SLC24A2: variants seen among roughly 807,000 people sequenced by gnomAD.
The protein encoded by SLC24A2 is sodium/potassium/calcium exchanger 2.
In SLC24A2, 36 loss-of-function variants were observed where a neutral mutation model predicts 62.0. The observed-to-expected ratio is 0.58, with a 90% CI of 0.44 to 0.77. The LOEUF (loss-of-function observed/expected upper bound fraction) is 0.77, where lower values mean the gene tolerates loss of function less well. SLC24A2 is among the 30% of genes least tolerant of loss of function. The probability of loss-of-function intolerance (pLI) is 0.00; values close to 1 mark genes in which losing one functional copy is unlikely to be tolerated. For missense variants in SLC24A2, 846 were observed against 817.9 expected, an observed-to-expected ratio of 1.03 and a Z score of -0.42; for synonymous variants, 358 against 294.0, an observed-to-expected ratio of 1.22 and a Z score of -2.23.
At chr9:19,666,512 G>A (rs7040903) in intron 2 of SLC24A2, among the ~76,000 whole-genome samples, 69,653 of 151,974 alleles carry the variant, frequency 0.46, 16,949 homozygotes, top group East Asian at 0.85. Context: ...ACTAAGGATC[G>A]GTGCAAGCTC....
the SLC24A2 span, among the ~76,000 whole-genome samples, chr9:20,093,292 G>A: frequency 8.5e-4 from 129 of 151,940 alleles, no homozygotes; most frequent in African/African-American, 2.5e-3. Flanking sequence ...GGCTGGTCTC[G>A]AACTCCTGAC....
the SLC24A2 span, among the ~76,000 whole-genome samples, chr9:20,105,475 G>C: frequency 1.2e-3 from 182 of 151,726 alleles, 1 homozygote; most frequent in Admixed American, 1.6e-3. Flanking sequence ...AAATGTAAAA[G>C]AACAGAAATT....
chr9:20,184,037 C>T, the SLC24A2 span, among the ~76,000 whole-genome samples: 1 of 152,066 alleles, frequency 6.6e-6, no homozygotes, highest in Non-Finnish European at 1.5e-5. Context: ...GGTTAATACA[C>T]AAAATGTGTA....
the SLC24A2 span, among the ~76,000 whole-genome samples, chr9:20,270,164 A>C: frequency 3.9e-5 from 6 of 152,260 alleles, no homozygotes; most frequent in South Asian, 1.2e-3. Flanking sequence ...CCAGAAGGGC[A>C]CCAACCTATT....
intron 4 of SLC24A2, among the ~76,000 whole-genome samples, chr9:19,610,251 G>A (rs747952670): frequency 2.0e-5 from 3 of 152,200 alleles, no homozygotes; most frequent in Non-Finnish European, 2.9e-5. Flanking sequence ...GAGTGTACAA[G>A]AGCCCACAGA....
the SLC24A2 span, among the ~76,000 whole-genome samples, chr9:19,802,838 T>C: frequency 3.3e-5 from 5 of 152,174 alleles, no homozygotes; most frequent in African/African-American, 1.2e-4. Context: ...ACATATATAT[T>C]GAAATGTAAT....
At chr9:19,665,227 G>A (rs1489936873) in intron 2 of SLC24A2, among the ~76,000 whole-genome samples, 1 of 152,190 alleles carries the variant, frequency 6.6e-6, no homozygotes, top group African/African-American at 2.4e-5. Context: ...ATGGGAGATT[G>A]TTTAGAAGTG....
At chr9:20,069,444 CAG>C in the SLC24A2 span, among the ~76,000 whole-genome samples, 1 of 152,108 alleles carries the variant, frequency 6.6e-6, no homozygotes, top group Non-Finnish European at 1.5e-5. Context: ...AACATGCAAA[CAG>C]AAAGTGTATA....
At chr9:20,109,096 G>T in the SLC24A2 span, among the ~76,000 whole-genome samples, 2 of 152,106 alleles carry the variant, frequency 1.3e-5, no homozygotes, top group African/African-American at 2.4e-5. Flanking sequence ...TGTAGCCCAG[G>T]AGTGACAGAG....
Position 19,526,373 on chromosome 9 carries a change from G to C in SLC24A2, c.1569+1676C>G, listed in dbSNP as rs138033640. Among the ~76,000 whole-genome samples the C allele has an allele frequency of 6.4e-3, 982 of 152,262 alleles. 11 individuals carry two copies. Among genetic ancestry groups the C allele is most frequent in the African/African-American group, 0.023 (936 of 41,558 alleles). On this transcript the variant is annotated intron_variant, in intron 9 of 10. Transcript: ENST00000341998. Reference sequence around the variant, plus strand: ...TCTCTTAAGCCTATTCCTAGGAGTGGAATTGCTAGATCATATGGTAACTCT... The same window carrying C: ...TCTCTTAAGCCTATTCCTAGGAGTGCAATTGCTAGATCATATGGTAACTCT...
At chr9:19,883,000 G>T in the SLC24A2 span, among the ~76,000 whole-genome samples, 2 of 152,058 alleles carry the variant, frequency 1.3e-5, no homozygotes. Context: ...TCCCAAATAC[G>T]GCATAATTTT....
chr9:20,254,475 T>C, the SLC24A2 span, among the ~76,000 whole-genome samples: 13 of 152,208 alleles, frequency 8.5e-5, no homozygotes, highest in Non-Finnish European at 1.3e-4. Context: ...TGTGGGGTGA[T>C]GCAGGGGCAG....
chr9:19,806,281 A>C, the SLC24A2 span, among the ~76,000 whole-genome samples: 1 of 152,166 alleles, frequency 6.6e-6, no homozygotes, highest in African/African-American at 2.4e-5. Context: ...CATTAACTAA[A>C]TGTGTGATCT....
chr9:20,181,556 A>G, the SLC24A2 span, among the ~76,000 whole-genome samples: 1 of 152,212 alleles, frequency 6.6e-6, no homozygotes, highest in Non-Finnish European at 1.5e-5. Flanking sequence ...TATTTAATAA[A>G]TGGTGCTGGG....
At chr9:19,567,828 A>T (rs994009146) in intron 7 of SLC24A2, among the ~76,000 whole-genome samples, 14 of 152,338 alleles carry the variant, frequency 9.2e-5, no homozygotes, top group African/African-American at 3.4e-4. Flanking sequence ...TTAAAAAGTC[A>T]TATTATTTCT....
At chr9:19,524,257 C>T (rs1393880861) in intron 9 of SLC24A2, among the ~76,000 whole-genome samples, 7 of 150,848 alleles carry the variant, frequency 4.6e-5, no homozygotes, top group Non-Finnish European at 1.0e-4. Flanking sequence ...TGAAAGAATG[C>T]TATAGTGGCT....
chr9:19,963,262 A>G, the SLC24A2 span, among the ~76,000 whole-genome samples: 1 of 147,450 alleles, frequency 6.8e-6, no homozygotes, highest in Non-Finnish European at 1.5e-5. Flanking sequence ...AACCATAAAA[A>G]CCCTAGAAGA....
Position 19,630,235 on chromosome 9 carries a change from G to T in SLC24A2, c.931-7936C>A, listed in dbSNP as rs183919207. ...TCTTGTTTAGAGAGAAGCTGGCAAA[G>T]ACTATAAAAGTGTAAAGAACAAGCT... On this transcript the variant is annotated intron_variant, in intron 2 of 10. Transcript: ENST00000341998. Among the ~76,000 whole-genome samples, 458 of 152,144 alleles carry T rather than the reference G, an allele frequency of 3.0e-3. 2 individuals carry two copies. Among genetic ancestry groups the T allele is most frequent in the Non-Finnish European group, 5.0e-3 (337 of 67,966 alleles).
At position 19,699,913 on chromosome 9, in the gene SLC24A2, C is replaced by G. The variant is rs950350195; in HGVS notation, c.931-77614G>C. ...ATGACTCAGCCCCTTCTGGTTAGGA[C>G]ACACGGGTGCACTAGAGAGGTCCTG... On this transcript the variant is annotated intron_variant, in intron 2 of 10. Coordinates refer to ENST00000341998, the MANE Select transcript of SLC24A2 (RefSeq NM_020344.4). 1.5e-4 allele frequency among the ~76,000 whole-genome samples: 23 copies of G among 152,102 alleles called. 1 individual carries two copies. The highest frequency in any genetic ancestry group is 7.2e-4 in the Admixed American group (11 of 15,258).
Sources: gnomAD v4.1 joint callset for allele counts (sites outside exome capture counted in the v4.1 genomes callset) on GRCh38, gnomAD v4.1.1 for gene constraint, MANE v1.5 for transcripts, NCBI Gene and HGNC (gene_info 2026-07-23, HGNC 2026-07-21) for gene names.